The following SYT9 variants were observed in gnomAD, a reference collection of about 807,000 sequenced individuals.
The protein encoded by SYT9 is synaptotagmin 9.
Under a neutral mutation model 48.4 loss-of-function variants are expected in SYT9, and 22 were observed. The observed-to-expected ratio is 0.45, with a 90% CI of 0.32 to 0.65. The LOEUF is 0.65. Among genes scored for constraint, SYT9 ranks in the 30% least tolerant of loss-of-function variants. The pLI is 0.03. For synonymous variants in SYT9, 265 were observed against 245.0 expected (o/e 1.08, Z -0.76); for missense variants, 577 against 622.0 (o/e 0.93, Z 0.77).
intron 3 of SYT9, among the ~76,000 whole-genome samples, chr11:7,377,888 G>C (rs937479452): frequency 6.6e-6 from 1 of 152,088 alleles, no homozygotes; most frequent in African/African-American, 2.4e-5. Flanking sequence ...TGTGAGCTTG[G>C]ACAAGTTAAT....
chr11:7,387,679 G>A (rs888147700), intron 3 of SYT9, among the ~76,000 whole-genome samples: 2 of 151,996 alleles, frequency 1.3e-5, no homozygotes, highest in Non-Finnish European at 2.9e-5. Flanking sequence ...ATACACCATT[G>A]CTGTAGTCTT....
At chr11:7,462,870 G>C (rs1185219210) in intron 6 of SYT9, among the ~76,000 whole-genome samples, 2 of 152,060 alleles carry the variant, frequency 1.3e-5, no homozygotes, top group South Asian at 4.1e-4. Flanking sequence ...GTTTCACTCT[G>C]TCTTTTCATG....
At chr11:7,451,531 C>T (rs1361650980) in intron 6 of SYT9, among the ~76,000 whole-genome samples, 3 of 152,176 alleles carry the variant, frequency 2.0e-5, no homozygotes, top group African/African-American at 7.2e-5. Flanking sequence ...CCCTCTTCCC[C>T]CTCTAACCAT....
intron 6 of SYT9, chr11:7,427,245 G>C (rs1256272491): frequency 1.3e-5 from 2 of 152,196 alleles, no homozygotes; most frequent in African/African-American, 4.8e-5. Context: ...GTATTAGGCT[G>C]TTCAAATAGA....
chr11:7,243,098 A>G (rs1847756506), intron 1 of SYT9, among the ~76,000 whole-genome samples: 1 of 148,184 alleles, frequency 6.7e-6, no homozygotes, highest in Non-Finnish European at 1.5e-5. Flanking sequence ...GAACAGGATA[A>G]CATTTCTGAA....
intron 3 of SYT9, among the ~76,000 whole-genome samples, chr11:7,414,435 C>A (rs1320333654): frequency 6.6e-6 from 1 of 152,232 alleles, no homozygotes; most frequent in Admixed American, 6.5e-5. Flanking sequence ...CTGCCACCAG[C>A]AGGAGGCTGG....
intron 1 of SYT9, among the ~76,000 whole-genome samples, chr11:7,300,410 T>C (rs1412384742): frequency 6.6e-6 from 1 of 152,248 alleles, no homozygotes; most frequent in African/African-American, 2.4e-5. Context: ...TCGTATTTCA[T>C]TGGCCAGAGC....
At chr11:7,421,796 A>G (rs1847359603) in intron 6 of SYT9, among the ~76,000 whole-genome samples, 1 of 152,256 alleles carries the variant, frequency 6.6e-6, no homozygotes, top group African/African-American at 2.4e-5. Flanking sequence ...TAGAACTTAC[A>G]GACTGTAAAA....
rs1340513493 is a variant in SYT9, at chr11:7,467,151, G to A, written c.*351G>A. ...CCTTGGTGATGAGGACATAGCATCTGCCCTGGAAATCGTTATTCCAACATA... is the reference window on the plus strand; with the variant it reads ...CCTTGGTGATGAGGACATAGCATCTACCCTGGAAATCGTTATTCCAACATA... On this transcript the variant is annotated 3_prime_UTR_variant, in exon 7 of 7. Coordinates refer to ENST00000318881, the MANE Select transcript of SYT9 (RefSeq NM_175733.4). 1 of 265,550 alleles carries A rather than the reference G, an allele frequency of 3.8e-6. No homozygotes were observed. Among genetic ancestry groups the A allele is most frequent in the African/African-American group, 2.2e-5 (1 of 45,260 alleles). 16.4% of individuals were successfully genotyped at this position (265,550 alleles called of 1,614,324 possible).
In SYT9 at chr11:7,313,531, G is replaced by A; in HGVS notation, c.634G>A (p.Asp212Asn). Reference sequence around the variant, plus strand: ...TAAGCAGAGGTCATTGGATAATGATGACGGGAGACGGAGTAACAGCAAGGC... The same window carrying A: ...TAAGCAGAGGTCATTGGATAATGATAACGGGAGACGGAGTAACAGCAAGGC... The part of the protein sequence containing the change: ...LYKQRSLDND[D>N]GRRSNSKACG... The change falls in exon 3 of 7, where the codon GAC becomes AAC. Residue 212 changes from aspartate (D) to asparagine (N), a missense_variant. Transcript: ENST00000318881. 6.2e-7 allele frequency: 1 copy of A among 1,614,182 alleles called. No individual in the cohort carries two copies. The highest frequency in any genetic ancestry group is 8.5e-7 in the Non-Finnish European group (1 of 1,180,010).
At chr11:7,429,826 A>G (rs1004127672) in intron 6 of SYT9, among the ~76,000 whole-genome samples, 7 of 152,248 alleles carry the variant, frequency 4.6e-5, no homozygotes, top group Non-Finnish European at 7.3e-5. Flanking sequence ...TAAAACAAGC[A>G]TGGTGAAAAG....
intron 1 of SYT9, among the ~76,000 whole-genome samples, chr11:7,300,413 G>T (rs1848897281): frequency 6.6e-6 from 1 of 152,204 alleles, no homozygotes; most frequent in Non-Finnish European, 1.5e-5. Flanking sequence ...TATTTCATTG[G>T]CCAGAGCAAG....
intron 6 of SYT9, chr11:7,461,301 C>T (rs1371237678): frequency 3.9e-5 from 6 of 152,084 alleles, no homozygotes; most frequent in Admixed American, 6.5e-5. Flanking sequence ...TCTCTTCATC[C>T]TTGATTCTAT....
chr11:7,243,670 C>G (rs1027978473), intron 1 of SYT9, among the ~76,000 whole-genome samples: 6 of 152,212 alleles, frequency 3.9e-5, no homozygotes, highest in Non-Finnish European at 8.8e-5. Flanking sequence ...GAGTGTCAGT[C>G]GACCTGCTCC....
At chr11:7,306,747 C>G (rs956432637) in intron 2 of SYT9, among the ~76,000 whole-genome samples, 2 of 152,298 alleles carry the variant, frequency 1.3e-5, no homozygotes, top group East Asian at 3.9e-4. Context: ...TTCTGTCCCC[C>G]ACTCCTTCCC....
chr11:7,333,603 T>G (rs1849581195), intron 3 of SYT9, among the ~76,000 whole-genome samples: 1 of 152,214 alleles, frequency 6.6e-6, no homozygotes, highest in Non-Finnish European at 1.5e-5. Flanking sequence ...GTAAAGATAC[T>G]CCTCTATTAC....
At chr11:7,297,023 C>T (rs551504559) in intron 1 of SYT9, among the ~76,000 whole-genome samples, 2 of 151,562 alleles carry the variant, frequency 1.3e-5, no homozygotes, top group African/African-American at 4.8e-5. Flanking sequence ...ACACAATCAT[C>T]TGAGGATCAG....
intron 6 of SYT9, among the ~76,000 whole-genome samples, chr11:7,464,346 G>A (rs939055039): frequency 1.3e-5 from 2 of 152,184 alleles, no homozygotes; most frequent in Non-Finnish European, 2.9e-5. Flanking sequence ...AGCCAAGGCA[G>A]ATAAAGTACT....
At chr11:7,249,963 T>TC (rs1190560862), upstream of SYT9, among the ~76,000 whole-genome samples, 2 of 152,188 alleles carry the variant, frequency 1.3e-5, no homozygotes, top group African/African-American at 4.8e-5. Flanking sequence ...TCCCTATGAC[T>TC]CCCCTCTGTA....
Sources: allele counts gnomAD v4.1 joint callset (sites outside exome capture counted in the v4.1 genomes callset), GRCh38; gene constraint gnomAD v4.1.1; transcripts MANE v1.5; gene names NCBI Gene and HGNC (gene_info 2026-07-23, HGNC 2026-07-21).